The following SYNJ1 variants were observed in gnomAD, a reference collection of about 807,000 sequenced individuals.
SYNJ1 encodes the protein polyphosphatidylinositol phosphatase SYNJ1.
A neutral mutation model predicts 168.2 loss-of-function variants in SYNJ1; 78 were observed. The ratio of observed to expected loss-of-function variants is 0.46; its 90% confidence interval spans 0.39 to 0.56. The LOEUF is 0.56. Among genes scored for constraint, SYNJ1 ranks in the 20% least tolerant of loss-of-function variants. The pLI is 0.00. For synonymous variants in SYNJ1, 539 were observed against 548.6 expected (o/e 0.98, Z 0.24); for missense variants, 1,303 against 1,597.6 (o/e 0.82, Z 3.14).
At chr21:32,705,289 A>G (rs907063357) in intron 2 of SYNJ1, among the ~76,000 whole-genome samples, 8 of 152,140 alleles carry the variant, frequency 5.3e-5, no homozygotes, top group Non-Finnish European at 8.8e-5. Context: ...CACTGAGCAG[A>G]CCCAGGATCT....
chr21:32,645,878 A>G, intron 24 of SYNJ1, 89 bp from the exon 25 acceptor site: 4 of 1,499,562 alleles, frequency 2.7e-6, no homozygotes, highest in Non-Finnish European at 3.6e-6. Context: ...GTAATGTTCT[A>G]TAAAATGTGC....
intron 11 of SYNJ1, among the ~76,000 whole-genome samples, chr21:32,680,449 T>C (rs768015193): frequency 1.6e-4 from 25 of 152,276 alleles, no homozygotes; most frequent in Non-Finnish European, 3.1e-4. Context: ...GAGGCCAGGA[T>C]CCTTAAAAAG....
chr21:32,695,488 A>G (rs918131352), intron 4 of SYNJ1, among the ~76,000 whole-genome samples: 1 of 152,156 alleles, frequency 6.6e-6, no homozygotes, highest in African/African-American at 2.4e-5. Flanking sequence ...TGATCCACAG[A>G]AAAGGAGTAT....
chr21:32,694,389 A>C, intron 5 of SYNJ1, 78 bp from the exon 6 acceptor site: 1 of 1,074,556 alleles, frequency 9.3e-7, no homozygotes, highest in Non-Finnish European at 1.3e-6. Context: ...AAATTTACTA[A>C]AATCTATTGC....
At chr21:32,705,097 C>T (rs990227779) in intron 2 of SYNJ1, among the ~76,000 whole-genome samples, 1 of 149,730 alleles carries the variant, frequency 6.7e-6, no homozygotes, top group Non-Finnish European at 1.5e-5. Flanking sequence ...TGCAGTAAAC[C>T]GAGATTGCAC....
At chr21:32,695,315 G>A in intron 4 of SYNJ1, 33 bp from the exon 5 acceptor site, 1 of 1,580,022 alleles carries the variant, frequency 6.3e-7, no homozygotes, top group Admixed American at 1.7e-5. Flanking sequence ...ATTAGCTTAT[G>A]GAATACTAAG....
rs772641102 is a variant in SYNJ1, at chr21:32,727,996, G to A, written c.-73C>T. 1.3e-6 allele frequency: 2 copies of A among 1,535,964 alleles called. No individual in the cohort carries two copies. The highest frequency in any genetic ancestry group is 2.5e-5 in the East Asian group (1 of 40,716). On this transcript the variant is annotated 5_prime_UTR_variant, in exon 1 of 33. Coordinates refer to ENST00000674351, the MANE Select transcript of SYNJ1 (RefSeq NM_203446.3). ...TTCTCCCGCAGCCGCCGCCACAGCCGCCGGGAGCGTCACTTCCGCTCCAGC... is the reference window on the plus strand; with the variant it reads ...TTCTCCCGCAGCCGCCGCCACAGCCACCGGGAGCGTCACTTCCGCTCCAGC...
At chr21:32,684,738 G>C (rs1200205436) in intron 9 of SYNJ1, among the ~76,000 whole-genome samples, 1 of 152,142 alleles carries the variant, frequency 6.6e-6, no homozygotes, top group Non-Finnish European at 1.5e-5. Context: ...AGTTTTAAAA[G>C]AGAAGCAAAA....
chr21:32,719,960 C>G (rs754445617), intron 2 of SYNJ1, among the ~76,000 whole-genome samples: 2 of 151,754 alleles, frequency 1.3e-5, no homozygotes, highest in Non-Finnish European at 2.9e-5. Context: ...CTTAACGAGG[C>G]CAGGCACAGT....
chr21:32,631,566 T>A lies in SYNJ1; in HGVS notation c.*239A>T. On this transcript the variant is annotated 3_prime_UTR_variant, in exon 33 of 33. Coordinates refer to ENST00000674351, the MANE Select transcript of SYNJ1 (RefSeq NM_203446.3). ...AGAACTTCGCATATTTTCCTGGGAT[T>A]GACTCCGAGCTGGAATTGGAGGCAT... 5 of 1,614,196 alleles carry A rather than the reference T, an allele frequency of 3.1e-6. No individual in the cohort carries two copies. The highest frequency in any genetic ancestry group is 4.2e-6 in the Non-Finnish European group (5 of 1,180,020).
chr21:32,635,888 T>C (rs2039545348), intron 31 of SYNJ1, among the ~76,000 whole-genome samples: 2 of 152,144 alleles, frequency 1.3e-5, no homozygotes, highest in African/African-American at 4.8e-5. Flanking sequence ...TAATATACCA[T>C]TATTTTTTAA....
intron 18 of SYNJ1, among the ~76,000 whole-genome samples, chr21:32,660,527 C>T (rs1363552672): frequency 6.6e-6 from 1 of 152,242 alleles, no homozygotes. Context: ...CGGGACCAGC[C>T]ATGGGCATCA....
rs2039744441 is a variant in SYNJ1, at chr21:32,639,691, T to C, written c.3677A>G (p.Lys1226Arg). 6.2e-7 allele frequency: 1 copy of C among 1,614,036 alleles called. No homozygotes were observed. Among genetic ancestry groups the C allele is most frequent in the African/African-American group, 1.3e-5 (1 of 74,928 alleles). The change falls in exon 30 of 33, where the codon AAA (lysine) becomes AGA (arginine). Residue 1226 changes from lysine to arginine, a missense_variant. Lys to Arg is a conservative substitution (Grantham distance 26). Coordinates refer to ENST00000674351, the MANE Select transcript of SYNJ1 (RefSeq NM_203446.3). ...CCTACCTTTCGACGTTTCTGATGTT[T>C]TGCTTTGGCTTTCAGGAGTCAGTCT... ...AGRLTPESQS[K>R]TSETSKGSTF... is the part of the protein sequence containing the mutation.
At chr21:32,645,486 T>C (rs375928617) in intron 25 of SYNJ1, among the ~76,000 whole-genome samples, 160 bp downstream of exon 25, 1 of 152,256 alleles carries the variant, frequency 6.6e-6, no homozygotes, top group East Asian at 1.9e-4. Context: ...CTACCTTGTC[T>C]GTTGCGCCTA....
rs748290648 is a variant in SYNJ1 at position 32,653,364 on chromosome 21, A to G, written c.2798T>C (p.Phe933Ser). The stretch of plus-strand genomic sequence containing the variant: ...TGTAACCCACATTTTATCTTCTACA[A>G]ATCTTTAAGAAAAACAATAAAAAAC... The part of the protein sequence containing the change: ...ASFGEVILIR[F>S]VEDKMWVTFL... The change falls in exon 22 of 33, where the codon TTT becomes TCT. Residue 933 changes from phenylalanine (F) to serine (S), a missense_variant and splice_region_variant. Around this residue, in one of 2 missense-constraint regions of SYNJ1, gnomAD observed 920 missense variants for 1,208.8 expected, o/e 0.76. Coordinates refer to ENST00000674351, the MANE Select transcript of SYNJ1 (RefSeq NM_203446.3). 20 of 1,610,200 alleles carry G rather than the reference A, an allele frequency of 1.2e-5. No individual in the cohort carries two copies. The highest frequency in any genetic ancestry group is 1.7e-5 in the Non-Finnish European group (20 of 1,176,590).
intron 13 of SYNJ1, 113 bp downstream of exon 13, chr21:32,676,219 G>A: frequency 1.3e-6 from 1 of 773,272 alleles, no homozygotes; most frequent in East Asian, 3.0e-5. Flanking sequence ...GTTAGGATCT[G>A]ATGGCAAAAT....
intron 24 of SYNJ1, 84 bp from the exon 25 acceptor site, chr21:32,645,873 G>A: frequency 8.0e-6 from 12 of 1,507,808 alleles, no homozygotes; most frequent in Non-Finnish European, 1.1e-5. Context: ...TATGTGTAAT[G>A]TTCTATAAAA....
At chr21:32,635,326 G>C (rs1416778202) in intron 31 of SYNJ1, among the ~76,000 whole-genome samples, 2 of 152,104 alleles carry the variant, frequency 1.3e-5, no homozygotes, top group Non-Finnish European at 2.9e-5. Flanking sequence ...CCCCATGATG[G>C]AATCAGTGTC....
chr21:32,725,250 A>G (rs939394663), intron 2 of SYNJ1, among the ~76,000 whole-genome samples: 7 of 152,198 alleles, frequency 4.6e-5, no homozygotes, highest in Non-Finnish European at 8.8e-5. Flanking sequence ...AAGCAGCTGA[A>G]AAATGCTTCC....
Sources: allele counts gnomAD v4.1 joint callset (sites outside exome capture counted in the v4.1 genomes callset), GRCh38; gene constraint gnomAD v4.1.1; regional missense constraint gnomAD v4.1.1; transcripts MANE v1.5; gene names NCBI Gene and HGNC (gene_info 2026-07-23, HGNC 2026-07-21).